Variants in WDFY4 observed in about 807,000 individuals in gnomAD.
WDFY4 encodes WDFY family member 4.
Under a neutral mutation model 351.9 loss-of-function variants are expected in WDFY4, and 169 were observed. The ratio of observed to expected loss-of-function variants is 0.48; its 90% CI spans 0.42 to 0.55. The LOEUF is 0.55. Among genes scored for constraint, WDFY4 ranks in the 20% least tolerant of loss-of-function variants. WDFY4 has a pLI of 0.00. For missense variants in WDFY4, 3,803 were observed against 3,935.6 expected (o/e 0.97, Z 0.90); for synonymous variants, 1,622 against 1,574.6 (o/e 1.03, Z -0.71).
At position 48,796,403 on chromosome 10, in the gene WDFY4, G is replaced by A; in HGVS notation, c.4363G>A (p.Ala1455Thr). 6.4e-7 allele frequency: 1 copy of A among 1,552,076 alleles called. No homozygotes were observed. Among genetic ancestry groups the A allele is most frequent in the Non-Finnish European group, 8.7e-7 (1 of 1,147,100 alleles). ...GTVELGFRSS[A>T]ITNTGVFQHI... Reference sequence around the variant, plus strand: ...TGTGGAGCTGGGCTTCAGGTCATCTGCTATCACCAACACTGGTGTCTTCCA... The same window carrying A: ...TGTGGAGCTGGGCTTCAGGTCATCTACTATCACCAACACTGGTGTCTTCCA... The change falls in exon 24 of 62, where the codon GCT becomes ACT. Residue 1455 changes from alanine to threonine, a missense_variant. Coordinates refer to ENST00000325239, the MANE Select transcript of WDFY4 (RefSeq NM_001394531.1).
At chr10:48,977,617 G>C (rs1842632247) in intron 59 of WDFY4, among the ~76,000 whole-genome samples, 1 of 152,224 alleles carries the variant, frequency 6.6e-6, no homozygotes, top group African/African-American at 2.4e-5. Context: ...ACATCAGTGG[G>C]CCAGCCAGAG....
At chr10:48,724,553 G>T (rs985621793) in intron 5 of WDFY4, among the ~76,000 whole-genome samples, 1 of 152,154 alleles carries the variant, frequency 6.6e-6, no homozygotes, top group Non-Finnish European at 1.5e-5. Context: ...GCTTTTAGGT[G>T]CCCTGAAGGG....
At chr10:48,715,480 A>G (rs2063878396) in intron 2 of WDFY4, among the ~76,000 whole-genome samples, 1 of 152,228 alleles carries the variant, frequency 6.6e-6, no homozygotes, top group African/African-American at 2.4e-5. Flanking sequence ...GCACATTCCT[A>G]GGCTGACTAC....
intron 1 of WDFY4, among the ~76,000 whole-genome samples, chr10:48,708,381 C>T (rs1257197754): frequency 6.6e-6 from 1 of 152,214 alleles, no homozygotes; most frequent in Non-Finnish European, 1.5e-5. Context: ...AACCCAACCA[C>T]TGCTGTAGCC....
At chr10:48,965,774 A>ATATCAGTTAGAGATAGATTATATCTG (rs1842047422) in intron 54 of WDFY4, among the ~76,000 whole-genome samples, 1 of 141,426 alleles carries the variant, frequency 7.1e-6, no homozygotes, top group South Asian at 2.4e-4. Context: ...ACTTATATCT[A>ATATCAGTTAGAGATAGATTATATCTG]TATCAGTTAG....
intron 47 of WDFY4, among the ~76,000 whole-genome samples, chr10:48,937,726 G>T (rs577765025): frequency 2.4e-4 from 37 of 152,350 alleles, no homozygotes; most frequent in African/African-American, 7.9e-4. Context: ...TAACAGAGAG[G>T]TTTAATGAGC....
chr10:48,764,359 T>C (rs751544076), intron 13 of WDFY4, among the ~76,000 whole-genome samples: 7 of 152,202 alleles, frequency 4.6e-5, no homozygotes, highest in Non-Finnish European at 8.8e-5. Flanking sequence ...TCATCATCAA[T>C]ATTAGAAATT....
At chr10:48,711,993 G>A (rs1589434203) in intron 2 of WDFY4, among the ~76,000 whole-genome samples, 1 of 152,180 alleles carries the variant, frequency 6.6e-6, no homozygotes, top group African/African-American at 2.4e-5. Context: ...TTATGTCACC[G>A]TACAGGCATG....
intron 41 of WDFY4, among the ~76,000 whole-genome samples, chr10:48,874,298 TA>T (rs1001171666): frequency 6.6e-6 from 1 of 152,236 alleles, no homozygotes; most frequent in African/African-American, 2.4e-5. Context: ...TTTTGCCTTT[TA>T]AAAGAAAAGA....
At chr10:48,702,226 T>C (rs1371020775) in intron 1 of WDFY4, among the ~76,000 whole-genome samples, 1 of 152,100 alleles carries the variant, frequency 6.6e-6, no homozygotes, top group African/African-American at 2.4e-5. Context: ...CAGTATTTGA[T>C]GGCTGCTGAA....
intron 35 of WDFY4, among the ~76,000 whole-genome samples, chr10:48,824,677 C>T (rs11101521): frequency 0.19 from 29,195 of 152,082 alleles, 3,757 homozygotes; most frequent in African/African-American, 0.37. Context: ...GCCCTGTCTT[C>T]CAGGTTGGAG....
chr10:48,825,739 G>A (rs1249309263), intron 35 of WDFY4, among the ~76,000 whole-genome samples: 4 of 151,270 alleles, frequency 2.6e-5, no homozygotes, highest in Admixed American at 6.6e-5. Context: ...TATATTTGTT[G>A]GCCACCTGAA....
At chr10:48,930,349 G>A (rs1489301411) in intron 47 of WDFY4, among the ~76,000 whole-genome samples, 1 of 152,188 alleles carries the variant, frequency 6.6e-6, no homozygotes, top group Non-Finnish European at 1.5e-5. Flanking sequence ...ATATTTGTTG[G>A]TCACTGAGTG....
chr10:48,959,037 T>C (rs1419094678), intron 52 of WDFY4, among the ~76,000 whole-genome samples: 1 of 152,212 alleles, frequency 6.6e-6, no homozygotes, highest in Non-Finnish European at 1.5e-5. Context: ...ATTTTCTCCT[T>C]TAATCATTAT....
chr10:48,922,071 C>A (rs1042531014), intron 47 of WDFY4, among the ~76,000 whole-genome samples: 1 of 152,158 alleles, frequency 6.6e-6, no homozygotes, highest in Non-Finnish European at 1.5e-5. Context: ...TAATAAATGT[C>A]CTTCAATGGG....
intron 13 of WDFY4, among the ~76,000 whole-genome samples, chr10:48,763,712 C>T (rs2132538726): frequency 6.6e-6 from 1 of 152,320 alleles, no homozygotes; most frequent in East Asian, 1.9e-4. Flanking sequence ...GTTACTTTTT[C>T]TATATTCAGG....
chr10:48,912,611 C>G (rs1838108139), intron 47 of WDFY4, among the ~76,000 whole-genome samples: 1 of 152,224 alleles, frequency 6.6e-6, no homozygotes, highest in Admixed American at 6.5e-5. Flanking sequence ...GGACACGGCC[C>G]CTGCACCTAG....
chr10:48,797,434 C>A (rs974265567), intron 24 of WDFY4, among the ~76,000 whole-genome samples: 1 of 152,144 alleles, frequency 6.6e-6, no homozygotes, highest in Non-Finnish European at 1.5e-5. Context: ...GAGGGGGAAA[C>A]TCTCCTATTA....
chr10:48,900,719 T>C (rs1214533912), intron 46 of WDFY4, among the ~76,000 whole-genome samples: 1 of 152,216 alleles, frequency 6.6e-6, no homozygotes, highest in Non-Finnish European at 1.5e-5. Context: ...GTTGCTCCAA[T>C]TTCATATTTC....
Sources: allele counts gnomAD v4.1 joint callset (sites outside exome capture counted in the v4.1 genomes callset), GRCh38; gene constraint gnomAD v4.1.1; transcripts MANE v1.5; gene names NCBI Gene and HGNC (gene_info 2026-07-23, HGNC 2026-07-21).